GLT1D1: variants seen among roughly 807,000 people sequenced by gnomAD.
GLT1D1 encodes the protein glycosyltransferase 1 domain containing 1.
Under a neutral mutation model 28.7 loss-of-function variants are expected in GLT1D1, and 21 were observed. That is an observed-to-expected ratio of 0.73 (90% CI 0.52 to 1.05). GLT1D1 has a LOEUF of 1.05. Ranked by LOEUF, GLT1D1 falls within the 50% of genes least tolerant of loss-of-function variation. The pLI, the probability that GLT1D1 is intolerant of heterozygous loss-of-function variation, is 0.00. For synonymous variants in GLT1D1, 147 were observed against 124.8 expected (o/e 1.18, Z -1.19); for missense variants, 343 against 330.6 (o/e 1.04, Z -0.29).
At chr12:128,926,088 G>A (rs1051418775) in intron 4 of GLT1D1, among the ~76,000 whole-genome samples, 1 of 151,796 alleles carries the variant, frequency 6.6e-6, no homozygotes, top group African/African-American at 2.4e-5. Flanking sequence ...TACTCAGGAG[G>A]CTGAGGCAGG....
At chr12:128,908,459 CCTT>C (rs1871173598) in intron 4 of GLT1D1, among the ~76,000 whole-genome samples, 1 of 146,372 alleles carries the variant, frequency 6.8e-6, no homozygotes, top group African/African-American at 2.5e-5. Flanking sequence ...TTCCCTCTTT[CCTT>C]CTTTCTTTCC....
chr12:128,943,858 G>T (rs963510727), intron 4 of GLT1D1, among the ~76,000 whole-genome samples: 3 of 152,170 alleles, frequency 2.0e-5, no homozygotes, highest in Non-Finnish European at 4.4e-5. Context: ...TTGTGGCATC[G>T]ATCTGTGCAA....
At chr12:128,927,076 G>T in intron 4 of GLT1D1, 29 bp from the exon 8 acceptor site, 2 of 1,524,928 alleles carry the variant, frequency 1.3e-6, no homozygotes, top group East Asian at 2.4e-5. Context: ...CATTTGAAGT[G>T]TTTTTTTGTC....
intron 4 of GLT1D1, among the ~76,000 whole-genome samples, chr12:128,919,517 A>G (rs1431427952): frequency 6.6e-6 from 1 of 152,230 alleles, no homozygotes; most frequent in African/African-American, 2.4e-5. Context: ...TCTAAGCCCC[A>G]GCTAAAGAAT....
Position 128,879,377 on chromosome 12 carries a change from T to C in GLT1D1, c.217+3315T>C, listed in dbSNP as rs972159537. On this transcript the variant is annotated intron_variant, in intron 2 of 7. Coordinates refer to ENST00000281703, the MANE Select transcript of GLT1D1 (RefSeq NM_144669.3). ...TAAAGTGATACTTATTATTTTTTTC[T>C]TTTTCTTTCTTTCTTTCTTTCTTTC... is the stretch of plus-strand genomic sequence containing the variant. 4.8e-4 allele frequency among the ~76,000 whole-genome samples: 47 copies of C among 98,112 alleles called. 1 individual carries two copies. The highest frequency in any genetic ancestry group is 1.2e-3 in the South Asian group (3 of 2,404). The allele number at this position is 98,112 out of a possible 152,430, so 64.4% of individuals were successfully genotyped here.
chr12:128,905,903 C>T (rs181177749), intron 4 of GLT1D1, among the ~76,000 whole-genome samples: 55 of 151,308 alleles, frequency 3.6e-4, no homozygotes, highest in South Asian at 8.3e-4. Flanking sequence ...GTGATCGTGG[C>T]TCACTGCAGC....
At chr12:128,877,542 T>C (rs1250297761) in intron 2 of GLT1D1, among the ~76,000 whole-genome samples, 5 of 152,236 alleles carry the variant, frequency 3.3e-5, no homozygotes, top group Non-Finnish European at 7.3e-5. Context: ...TGTTCTTTTT[T>C]ATTTTTTCAG....
intron 7 of GLT1D1, among the ~76,000 whole-genome samples, chr12:128,968,340 G>C (rs187564238): frequency 1.3e-5 from 2 of 151,456 alleles, no homozygotes; most frequent in African/African-American, 4.8e-5. Flanking sequence ...CTTATTGTAC[G>C]ATACTGGGAA....
chr12:128,980,240 C>T (rs1880191433), intron 7 of GLT1D1, among the ~76,000 whole-genome samples: 1 of 152,186 alleles, frequency 6.6e-6, no homozygotes, highest in Non-Finnish European at 1.5e-5. Context: ...GGGGTCAGCC[C>T]AGGGTGTGTC....
At chr12:128,896,483 T>C (rs1174574957) in intron 3 of GLT1D1, among the ~76,000 whole-genome samples, 4 of 152,130 alleles carry the variant, frequency 2.6e-5, no homozygotes, top group Non-Finnish European at 4.4e-5. Context: ...ACTAGCTTTT[T>C]GGTAGGTGAT....
At chr12:128,916,713 GA>G (rs1360091361) in intron 4 of GLT1D1, among the ~76,000 whole-genome samples, 2 of 152,098 alleles carry the variant, frequency 1.3e-5, no homozygotes, top group Non-Finnish European at 2.9e-5. Flanking sequence ...TTGGTTTGTA[GA>G]ACTTCCTTAT....
intron 7 of GLT1D1, among the ~76,000 whole-genome samples, chr12:128,976,817 G>A (rs1879807529): frequency 6.6e-6 from 1 of 152,124 alleles, no homozygotes. Flanking sequence ...ATCATCATGA[G>A]AAGGATTGTA....
At chr12:128,919,974 TCTCTCTCTCTCTCTCTCCCCCTCC>T (rs1566133318) in intron 4 of GLT1D1, among the ~76,000 whole-genome samples, 3 of 61,238 alleles carry the variant, frequency 4.9e-5, no homozygotes, top group Non-Finnish European at 1.2e-4. Flanking sequence ...TCTCTCTCTC[TCTCTCTCTCTCTCTCTCCCCCTCC>T]ATCTCTCTCT....
At chr12:128,882,488 G>A (rs752689567) in intron 2 of GLT1D1, among the ~76,000 whole-genome samples, 14 of 151,998 alleles carry the variant, frequency 9.2e-5, no homozygotes, top group Non-Finnish European at 4.4e-5. Flanking sequence ...TGTTGGCGAG[G>A]CTAGTCTCGA....
rs539915953 is a variant in GLT1D1 at position 128,914,151 on chromosome 12, AT to A, written c.375+14874del. Reference sequence around the variant, plus strand: ...TGAATTTCTAAATTGTAAAATAGTCATTTTTTTTTTCAGCAAAAATTAAATG... The same window carrying A: ...TGAATTTCTAAATTGTAAAATAGTCATTTTTTTTTCAGCAAAAATTAAATG... On this transcript the variant is annotated intron_variant, in intron 4 of 7. Coordinates refer to ENST00000281703, the MANE Select transcript of GLT1D1 (RefSeq NM_144669.3). Among the ~76,000 whole-genome samples the A allele has an allele frequency of 9.0e-3, 1,355 of 149,838 alleles. 17 individuals are homozygous for A. The highest frequency in any genetic ancestry group is 0.029 in the African/African-American group (1,185 of 40,866).
chr12:128,948,499 C>T (rs180715001), intron 6 of GLT1D1, among the ~76,000 whole-genome samples: 1 of 152,068 alleles, frequency 6.6e-6, no homozygotes, highest in African/African-American at 2.4e-5. Context: ...ACAGACATGG[C>T]GTAAACAAGC....
intron 4 of GLT1D1, among the ~76,000 whole-genome samples, chr12:128,935,905 C>G (rs1297253467): frequency 2.0e-5 from 3 of 152,122 alleles, no homozygotes; most frequent in Non-Finnish European, 4.4e-5. Flanking sequence ...TAGTTAACAC[C>G]CCTAGACCAC....
At chr12:128,972,447 C>T (rs2135545362) in intron 7 of GLT1D1, among the ~76,000 whole-genome samples, 1 of 152,318 alleles carries the variant, frequency 6.6e-6, no homozygotes, top group East Asian at 1.9e-4. Flanking sequence ...ACACCTGCTG[C>T]TAGGGAGGCT....
chr12:128,981,342 A>AGG (rs1668235323), intron 7 of GLT1D1, among the ~76,000 whole-genome samples: 1 of 152,190 alleles, frequency 6.6e-6, no homozygotes, highest in Non-Finnish European at 1.5e-5. Flanking sequence ...AGAGCGGGGA[A>AGG]GGAGGGGGTT....
Sources: gnomAD v4.1 joint callset for allele counts (sites outside exome capture counted in the v4.1 genomes callset) on GRCh38, gnomAD v4.1.1 for gene constraint, MANE v1.5 for transcripts, NCBI Gene and HGNC (gene_info 2026-07-23, HGNC 2026-07-21) for gene names.